Variants in PARD3B observed in about 807,000 individuals in gnomAD.
The protein encoded by PARD3B is partitioning defective 3 homolog B.
PARD3B carries 103 observed loss-of-function variants against 130.2 expected under a neutral mutation model. The observed-to-expected ratio is 0.79, with a 90% CI of 0.67 to 0.93. The LOEUF (loss-of-function observed/expected upper bound fraction) is 0.93. Among genes scored for constraint, PARD3B ranks in the 40% least tolerant of loss-of-function variants. The pLI, the probability that PARD3B is intolerant of heterozygous loss-of-function variation, is 0.00. For synonymous variants in PARD3B, 583 were observed against 553.2 expected (o/e 1.05, Z -0.76); for missense variants, 1,609 against 1,499.2 (o/e 1.07, Z -1.21).
At chr2:204,554,159 T>A (rs945374346) in intron 1 of PARD3B, among the ~76,000 whole-genome samples, 1 of 152,140 alleles carries the variant, frequency 6.6e-6, no homozygotes, top group Admixed American at 6.5e-5. Context: ...CCTTCTTTCC[T>A]CCTCTACGTC....
rs959358497 is a variant in PARD3B at position 205,219,563 on chromosome 2, A to G, written c.2141-26215A>G. 3.3e-5 allele frequency among the ~76,000 whole-genome samples: 5 copies of G among 150,224 alleles called. No individual in the cohort carries two copies. In the Admixed American group the frequency reaches 3.4e-4, roughly 10 times the overall value. ...TATGTACTTCAATTCGTGCCAGAAG[A>G]GAAATTTTTTGATAGCACTTATTGT... On this transcript the variant is annotated intron_variant, in intron 15 of 22. Transcript: ENST00000406610.
intron 18 of PARD3B, among the ~76,000 whole-genome samples, chr2:205,395,274 G>A (rs1396083189): frequency 6.6e-6 from 1 of 152,100 alleles, no homozygotes; most frequent in Non-Finnish European, 1.5e-5. Flanking sequence ...ACACTACTCC[G>A]CTGACCCTTG....
At chr2:205,123,189 T>C (rs2030962708) in intron 8 of PARD3B, among the ~76,000 whole-genome samples, 1 of 152,132 alleles carries the variant, frequency 6.6e-6, no homozygotes, top group Non-Finnish European at 1.5e-5. Context: ...GGAAACATAA[T>C]AGGCATGCAT....
chr2:204,682,655 T>C (rs919330217), intron 1 of PARD3B, among the ~76,000 whole-genome samples: 1 of 152,196 alleles, frequency 6.6e-6, no homozygotes, highest in African/African-American at 2.4e-5. Context: ...TCTCCAAAAA[T>C]CGGCTTTTCC....
intron 2 of PARD3B, among the ~76,000 whole-genome samples, chr2:204,804,358 A>T (rs1321660423): frequency 6.6e-6 from 1 of 152,226 alleles, no homozygotes; most frequent in Non-Finnish European, 1.5e-5. Flanking sequence ...CTATATTTTT[A>T]TAAGACAAAC....
Position 204,792,280 on chromosome 2 carries a change from T to C in PARD3B, c.222+105998T>C, listed in dbSNP as rs542633495. ...GTAAAAGCACAAATATCAGAACATA[T>C]TGTATTTCACCTATCATATTTTTTC... is the stretch of plus-strand genomic sequence containing the variant. On this transcript the variant is annotated intron_variant, in intron 2 of 22. Transcript: ENST00000406610. 4.3e-4 allele frequency among the ~76,000 whole-genome samples: 65 copies of C among 152,322 alleles called. 1 individual carries two copies. Among genetic ancestry groups the C allele is most frequent in the African/African-American group, 1.4e-3 (60 of 41,584 alleles).
intron 2 of PARD3B, among the ~76,000 whole-genome samples, chr2:204,774,197 C>T (rs1386238726): frequency 1.3e-5 from 2 of 151,854 alleles, no homozygotes; most frequent in African/African-American, 4.8e-5. Context: ...TCTTCTGTAT[C>T]TATTATGCTG....
chr2:205,296,663 A>ACGTG (rs1419782888), intron 16 of PARD3B, among the ~76,000 whole-genome samples: 10 of 138,032 alleles, frequency 7.2e-5, no homozygotes, highest in African/African-American at 2.6e-4. Context: ...GTGTTTGTGT[A>ACGTG]TGTGTGTGTG....
Position 205,128,725 on chromosome 2 carries a change from C to T in PARD3B, c.1434+2988C>T, listed in dbSNP as rs2125640338. ...TTTCTGTAGTAGTGTAAACACAATT[C>T]TATACTCTAGATATATTATGGGGTA... On this transcript the variant is annotated intron_variant, in intron 10 of 22. Transcript: ENST00000406610. This position sits in a 1 kb window ranked among gnomAD's most constrained non-coding sequence, Gnocchi z 4.5. Among the ~76,000 whole-genome samples the T allele has an allele frequency of 6.6e-6, 1 of 152,224 alleles. No homozygotes were observed. Among genetic ancestry groups the T allele is most frequent in the Admixed American group, 6.5e-5 (1 of 15,294 alleles).
intron 2 of PARD3B, among the ~76,000 whole-genome samples, chr2:204,783,154 A>G (rs184243686): frequency 1.0e-3 from 159 of 152,218 alleles, no homozygotes; most frequent in African/African-American, 3.4e-3. Flanking sequence ...TTCATATCTG[A>G]GCTCTTCATG....
At chr2:205,372,035 C>T (rs1323024682) in intron 18 of PARD3B, among the ~76,000 whole-genome samples, 2 of 152,154 alleles carry the variant, frequency 1.3e-5, no homozygotes, top group African/African-American at 4.8e-5. Context: ...TGCATAAATA[C>T]CACATTTTAT....
chr2:204,595,761 A>C (rs964035286), intron 1 of PARD3B, among the ~76,000 whole-genome samples: 3 of 152,184 alleles, frequency 2.0e-5, no homozygotes, highest in African/African-American at 7.2e-5. Context: ...TAAATGTTTC[A>C]TTTGTTCATG....
intron 2 of PARD3B, among the ~76,000 whole-genome samples, chr2:204,825,540 G>C (rs1346059638): frequency 6.6e-6 from 1 of 152,176 alleles, no homozygotes; most frequent in Admixed American, 6.5e-5. Flanking sequence ...GCATGACTAG[G>C]CTACAACTTC....
chr2:205,137,637 C>A (rs1333364700), intron 10 of PARD3B, among the ~76,000 whole-genome samples: 1 of 152,152 alleles, frequency 6.6e-6, no homozygotes. Flanking sequence ...TCTTCCCCTG[C>A]CAGTTTCGTT....
At chr2:204,572,139 A>T (rs983560859) in intron 1 of PARD3B, among the ~76,000 whole-genome samples, 3 of 152,232 alleles carry the variant, frequency 2.0e-5, no homozygotes, top group African/African-American at 7.2e-5. Flanking sequence ...GGTCAGTTAC[A>T]TAGAGAACAA....
chr2:205,270,936 G>GT (rs974556210), intron 16 of PARD3B, among the ~76,000 whole-genome samples: 1 of 152,166 alleles, frequency 6.6e-6, no homozygotes, highest in African/African-American at 2.4e-5. Flanking sequence ...AGGCTAGGAA[G>GT]TAAGAACATA....
chr2:204,815,986 G>A (rs2043132500), intron 2 of PARD3B, among the ~76,000 whole-genome samples: 1 of 151,928 alleles, frequency 6.6e-6, no homozygotes, highest in African/African-American at 2.4e-5. Context: ...TGTTTTTCAG[G>A]TGTGCTATCT....
intron 18 of PARD3B, among the ~76,000 whole-genome samples, chr2:205,368,756 T>A (rs75019602): frequency 0.032 from 4,936 of 152,214 alleles, 241 homozygotes; most frequent in African/African-American, 0.11. Flanking sequence ...TTCTAAAGTA[T>A]TTGTGGAACA....
intron 11 of PARD3B, among the ~76,000 whole-genome samples, chr2:205,163,625 C>A (rs1168894476): frequency 1.3e-5 from 2 of 152,158 alleles, no homozygotes. Flanking sequence ...AAATGCACAT[C>A]TCTAGAATAT....
Sources: allele counts gnomAD v4.1 joint callset (sites outside exome capture counted in the v4.1 genomes callset), GRCh38; gene constraint gnomAD v4.1.1; non-coding constraint Gnocchi (gnomAD v3.1); transcripts MANE v1.5; gene names NCBI Gene and HGNC (gene_info 2026-07-23, HGNC 2026-07-21).